The following CLGN variants were observed in gnomAD, a reference collection of about 807,000 sequenced individuals.
The protein encoded by CLGN is testis tissue sperm-binding protein Li 79P.
A neutral mutation model predicts 79.1 loss-of-function variants in CLGN; 62 were observed. That is an observed-to-expected ratio of 0.78 (90% CI 0.64 to 0.97). The LOEUF is 0.97. Among genes scored for constraint, CLGN ranks in the 50% least tolerant of loss-of-function variants. The pLI, the probability that CLGN is intolerant of heterozygous loss-of-function variation, is 0.00. For missense variants in CLGN, 647 were observed against 715.5 expected, an observed-to-expected ratio of 0.90 and a Z score of 1.09; for synonymous variants, 225 against 224.7, an observed-to-expected ratio of 1.00 and a Z score of -0.01.
In CLGN at chr4:140,406,009, T is replaced by C. The variant is rs565545189; in HGVS notation, c.352A>G (p.Lys118Glu). Residue 118 changes from lysine to glutamate, a missense_variant, in exon 5 of 15, where the codon AAG becomes GAG. By Grantham distance (56) the Lys-to-Glu change is moderately conservative (BLOSUM62 1). Coordinates refer to ENST00000325617, the MANE Select transcript of CLGN (RefSeq NM_004362.3). The part of the protein sequence containing the change: ...DRGLVLKSRA[K>E]HHAISAVLAK... Reference sequence around the variant, plus strand: ...AATACAGCAGATATTGCATGATGCTTTGCTCTAGATTTTAATACCAGTCCT... The same window carrying C: ...AATACAGCAGATATTGCATGATGCTCTGCTCTAGATTTTAATACCAGTCCT... 8.7e-6 allele frequency: 14 copies of C among 1,613,638 alleles called. No individual in the cohort carries two copies. The East Asian group carries it at 3.1e-4, about 36-fold the overall frequency.
intron 1 of CLGN, among the ~76,000 whole-genome samples, chr4:140,422,665 G>GGGT (rs1177467457): frequency 1.3e-5 from 2 of 152,160 alleles, no homozygotes; most frequent in Non-Finnish European, 2.9e-5. Flanking sequence ...TACCCAGGCT[G>GGGT]GAGTGCAGTG....
intron 2 of CLGN, among the ~76,000 whole-genome samples, chr4:140,411,410 G>A (rs1217976824): frequency 6.6e-6 from 1 of 152,030 alleles, no homozygotes; most frequent in Non-Finnish European, 1.5e-5. Context: ...ATTTAAAAGA[G>A]TAAAGACTGA....
intron 10 of CLGN, among the ~76,000 whole-genome samples, chr4:140,395,004 C>T (rs988745817): frequency 3.9e-5 from 6 of 152,016 alleles, no homozygotes; most frequent in Non-Finnish European, 7.4e-5. Flanking sequence ...ATGTGAAACC[C>T]CGTCTCCGCT....
At position 140,401,958 on chromosome 4, in the gene CLGN, G is replaced by A. The variant is rs540755624; in HGVS notation, c.501+27C>T. The A allele has an allele frequency of 4.8e-5, 59 of 1,241,080 alleles. 1 individual carries two copies. Among genetic ancestry groups the A allele is most frequent in the Non-Finnish European group, 6.1e-5 (53 of 874,682 alleles). The allele number at this position is 1,241,080 out of a possible 1,614,324, so 76.9% of individuals were successfully genotyped here. A position where few individuals can be genotyped will look rare whatever the true frequency, so the allele number is the denominator to read the frequency against. ...AAAAATACTTATTAACTTTAATAAG[G>A]TTTTCTTAAATATTAAAATATCATA... On this transcript the variant is annotated intron_variant, in intron 6 of 14. Coordinates refer to ENST00000325617, the MANE Select transcript of CLGN (RefSeq NM_004362.3).
chr4:140,394,175 T>C, intron 10 of CLGN, 134 bp from the exon 11 acceptor site: 6 of 621,338 alleles, frequency 9.7e-6, no homozygotes, highest in Non-Finnish European at 1.7e-5. Context: ...TATTAATTCA[T>C]TAGTAATATA....
rs1034795869 is a variant in CLGN, at chr4:140,416,764, G to A, written c.-9-3677C>T. Among the ~76,000 whole-genome samples the A allele has an allele frequency of 3.3e-5, 5 of 152,212 alleles. No individual in the cohort carries two copies. The South Asian group carries it at 6.2e-4, about 19-fold the overall frequency. On this transcript the variant is annotated intron_variant, in intron 1 of 14. Coordinates refer to ENST00000325617, the MANE Select transcript of CLGN (RefSeq NM_004362.3). The stretch of plus-strand genomic sequence containing the variant: ...AGATGGATTCACAGCTGAATTCTAC[G>A]AGAGGTACAAGGAGGAACTGCTACC...
chr4:140,399,589 C>T (rs554373608), intron 7 of CLGN, among the ~76,000 whole-genome samples: 1 of 152,178 alleles, frequency 6.6e-6, no homozygotes, highest in Non-Finnish European at 1.5e-5. Flanking sequence ...GTTTCTACCA[C>T]TGCAGCATTT....
intron 1 of CLGN, among the ~76,000 whole-genome samples, chr4:140,421,767 T>C (rs983587523): frequency 1.3e-5 from 2 of 152,118 alleles, no homozygotes; most frequent in Non-Finnish European, 2.9e-5. Flanking sequence ...TTTGTTGTGT[T>C]CTTTGATGCA....
chr4:140,414,305 A>G (rs1729278509), intron 1 of CLGN, among the ~76,000 whole-genome samples: 1 of 152,100 alleles, frequency 6.6e-6, no homozygotes, highest in Admixed American at 6.5e-5. Flanking sequence ...CTCCTCCTCC[A>G]AAGGAATGCA....
intron 1 of CLGN, among the ~76,000 whole-genome samples, chr4:140,424,743 T>A (rs1729530493): frequency 6.6e-6 from 1 of 152,200 alleles, no homozygotes; most frequent in Non-Finnish European, 1.5e-5. Context: ...TAAATATCAG[T>A]TGTGCCTTCA....
rs750615460 is a variant in CLGN at position 140,394,297 on chromosome 4, G to A, written c.1150-256C>T. ...GGGAAAATCCAACATAAACAGAAACGTGAATAAATTTCACAATTTGTCTAC... is the reference window on the plus strand; with the variant it reads ...GGGAAAATCCAACATAAACAGAAACATGAATAAATTTCACAATTTGTCTAC... On this transcript the variant is annotated intron_variant, in intron 10 of 14. Coordinates refer to ENST00000325617, the MANE Select transcript of CLGN (RefSeq NM_004362.3). 6.6e-5 allele frequency among the ~76,000 whole-genome samples: 10 copies of A among 152,164 alleles called. No individual in the cohort carries two copies. The South Asian group carries it at 8.3e-4, about 13-fold the overall frequency.
chr4:140,403,960 A>G (rs1729044018), intron 5 of CLGN, among the ~76,000 whole-genome samples: 1 of 152,224 alleles, frequency 6.6e-6, no homozygotes, highest in Non-Finnish European at 1.5e-5. Context: ...TTAGGTGGGA[A>G]AATAAACTTA....
intron 1 of CLGN, among the ~76,000 whole-genome samples, chr4:140,414,510 C>T (rs1729283781): frequency 6.6e-6 from 1 of 150,944 alleles, no homozygotes; most frequent in East Asian, 1.9e-4. Flanking sequence ...CTTAAAGGAG[C>T]TGATGGAGCT....
At chr4:140,427,167 C>T (rs1275772533) in intron 1 of CLGN, among the ~76,000 whole-genome samples, 3 of 152,194 alleles carry the variant, frequency 2.0e-5, no homozygotes, top group Non-Finnish European at 4.4e-5. Flanking sequence ...GGAATAACGG[C>T]CTCGGCTCCC....
chr4:140,425,752 C>T (rs1729555754), intron 1 of CLGN, among the ~76,000 whole-genome samples: 1 of 151,240 alleles, frequency 6.6e-6, no homozygotes, highest in Admixed American at 6.6e-5. Context: ...TCTCAGCCTC[C>T]CGAGTAGCTG....
chr4:140,412,019 A>T (rs967638059), intron 2 of CLGN, among the ~76,000 whole-genome samples: 1 of 152,138 alleles, frequency 6.6e-6, no homozygotes, highest in African/African-American at 2.4e-5. Context: ...TGAAGTATTA[A>T]TATTAACCTT....
chr4:140,418,412 A>G (rs1429142043), intron 1 of CLGN, among the ~76,000 whole-genome samples: 5,927 of 138,604 alleles, frequency 0.043, 197 homozygotes, highest in African/African-American at 0.1. Context: ...AGAGTGAACA[A>G]GCAACCTACA....
Position 140,400,350 on chromosome 4 carries a change from G to C in CLGN, c.694+7C>G, listed in dbSNP as rs1032109172. The C allele has an allele frequency of 1.9e-6, 3 of 1,563,888 alleles. No individual in the cohort carries two copies. In the Admixed American group the frequency reaches 5.4e-5, roughly 28 times the overall value. Reference sequence around the variant, plus strand: ...TTTGAATACATGAATGAATTAAAAGGGTATACCAAGGGTATAAAGATGAGT... The same window carrying C: ...TTTGAATACATGAATGAATTAAAAGCGTATACCAAGGGTATAAAGATGAGT... On this transcript the variant is annotated splice_region_variant and intron_variant, in intron 7 of 14. Coordinates refer to ENST00000325617, the MANE Select transcript of CLGN (RefSeq NM_004362.3).
At chr4:140,420,697 A>G (rs1018677775) in intron 1 of CLGN, among the ~76,000 whole-genome samples, 4 of 152,170 alleles carry the variant, frequency 2.6e-5, no homozygotes, top group Admixed American at 1.3e-4. Context: ...AATGGTGCCA[A>G]CATGTTATTA....
Sources: allele counts gnomAD v4.1 joint callset (sites outside exome capture counted in the v4.1 genomes callset), GRCh38; gene constraint gnomAD v4.1.1; transcripts MANE v1.5; gene names NCBI Gene and HGNC (gene_info 2026-07-23, HGNC 2026-07-21).